Variants in LRRK2 observed in about 807,000 individuals in gnomAD.
LRRK2 encodes the protein leucine-rich repeat serine/threonine-protein kinase 2.
In LRRK2, 203 loss-of-function variants were observed where a neutral mutation model predicts 302.6. The observed-to-expected ratio is 0.67, with a 90% CI of 0.60 to 0.75. The LOEUF (loss-of-function observed/expected upper bound fraction) is 0.75. LRRK2 is among the 30% of genes least tolerant of loss of function. The pLI is 0.00. For synonymous variants in LRRK2, 1,066 were observed against 1,031.9 expected (o/e 1.03, Z -0.63); for missense variants, 2,830 against 2,951.0 (o/e 0.96, Z 0.95).
At chr12:40,227,280 C>T (rs781471228) in intron 2 of LRRK2, among the ~76,000 whole-genome samples, 12 of 152,074 alleles carry the variant, frequency 7.9e-5, no homozygotes, top group South Asian at 4.1e-4. Context: ...CTGGAATATC[C>T]GTCACCTCGA....
At chr12:40,232,518 G>A in intron 3 of LRRK2, 135 bp downstream of exon 3, 1 of 710,952 alleles carries the variant, frequency 1.4e-6, no homozygotes, top group Middle Eastern at 2.4e-4. Context: ...ATTTTTCCTT[G>A]AGTCAATGAT....
chr12:40,351,322 C>A (rs1946345326), intron 43 of LRRK2, among the ~76,000 whole-genome samples: 1 of 152,012 alleles, frequency 6.6e-6, no homozygotes, highest in African/African-American at 2.4e-5. Flanking sequence ...ACTACACATA[C>A]CAAAGAGTAT....
chr12:40,242,512 C>G (rs1027179477), intron 6 of LRRK2, among the ~76,000 whole-genome samples: 4 of 152,004 alleles, frequency 2.6e-5, no homozygotes, highest in African/African-American at 9.6e-5. Flanking sequence ...TGCCTCCTCT[C>G]TTTCGTTCTC....
At chr12:40,294,781 C>G (rs1944314000) in intron 21 of LRRK2, 64 bp from the exon 22 acceptor site, 1 of 939,640 alleles carries the variant, frequency 1.1e-6, no homozygotes, top group East Asian at 2.7e-5. Flanking sequence ...TGGTTCCTTC[C>G]TTATAAAAAT....
chr12:40,318,127 A>G (rs1945282551), intron 33 of LRRK2, among the ~76,000 whole-genome samples: 4 of 152,046 alleles, frequency 2.6e-5, no homozygotes, highest in Admixed American at 6.6e-5. Context: ...AATGAAGCAG[A>G]TTTTTTCTGT....
rs368102241 is a variant in LRRK2 at position 40,276,806 on chromosome 12, ATAATTT to A, written c.1942-1077_1942-1072del. 7.8e-3 allele frequency among the ~76,000 whole-genome samples: 1,180 copies of A among 152,240 alleles called. 19 individuals are homozygous for A. Among genetic ancestry groups the A allele is most frequent in the African/African-American group, 0.026 (1,084 of 41,542 alleles). On this transcript the variant is annotated intron_variant, in intron 16 of 50. Coordinates refer to ENST00000298910, the MANE Select transcript of LRRK2 (RefSeq NM_198578.4). ...CTCAGCATCATAAGAGTTCGAAGTA[ATAATTT>A]TAATATTTAGATGACGTAAGTTAAT...
intron 50 of LRRK2, chr12:40,367,437 T>C (rs763872863): frequency 1.4e-5 from 6 of 431,790 alleles, no homozygotes; most frequent in African/African-American, 4.1e-5. Flanking sequence ...GTTGATACTC[T>C]ATTTGAAATT....
At chr12:40,355,501 T>TTCCA (rs1165271972) in intron 45 of LRRK2, among the ~76,000 whole-genome samples, 1 of 84,878 alleles carries the variant, frequency 1.2e-5, no homozygotes, top group Admixed American at 1.2e-4. Flanking sequence ...CCTTCCTTCC[T>TTCCA]TCCATCCCTC....
intron 20 of LRRK2, among the ~76,000 whole-genome samples, chr12:40,291,892 A>G (rs914337087): frequency 3.9e-5 from 6 of 152,042 alleles, no homozygotes; most frequent in South Asian, 2.1e-4. Context: ...TTGTTGTGCA[A>G]ACATTAAGGA....
intron 5 of LRRK2, among the ~76,000 whole-genome samples, 163 bp from the exon 6 acceptor site, chr12:40,240,320 T>C (rs553334594): frequency 1.3e-5 from 2 of 152,338 alleles, no homozygotes; most frequent in East Asian, 3.9e-4. Flanking sequence ...GTTTTCTCAT[T>C]ATAACATTCT....
Position 40,348,436 on chromosome 12 carries a change from C to T in LRRK2, c.6308C>T (p.Pro2103Leu). ...PDPVKEYGCA[P>L]WPMVEKLIKQ... Reference sequence around the variant, plus strand: ...CCAGTTAAAGAATATGGTTGTGCCCCATGGCCTATGGTTGAGAAATTAATT... The same window carrying T: ...CCAGTTAAAGAATATGGTTGTGCCCTATGGCCTATGGTTGAGAAATTAATT... Residue 2103 changes from proline to leucine, a missense_variant, in exon 43 of 51, where the codon CCA becomes CTA. By Grantham distance (98) the Pro-to-Leu change is moderately conservative. Transcript: ENST00000298910. The T allele has an allele frequency of 1.2e-6, 2 of 1,612,088 alleles. No homozygotes were observed. The highest frequency in any genetic ancestry group is 2.2e-5 in the South Asian group (2 of 91,010).
chr12:40,257,327 T>C lies in LRRK2; in HGVS notation c.1368T>C (p.Pro456=). The C allele has an allele frequency of 2.5e-6, 4 of 1,612,694 alleles. No individual in the cohort carries two copies. Among genetic ancestry groups the C allele is most frequent in the Non-Finnish European group, 3.4e-6 (4 of 1,178,976 alleles). ...LELMQKHIHS[P]EVAESGCKML... ...TAATGCAGAAGCATATACATTCTCC[T>C]GAAGTGGCTGAAAGTGGCTGTAAAA... The change falls in exon 12 of 51, where the codon CCT becomes CCC. Residue 456 remains proline, a synonymous_variant. Transcript: ENST00000298910.
intron 11 of LRRK2, among the ~76,000 whole-genome samples, chr12:40,256,255 T>C (rs776384296): frequency 3.3e-5 from 5 of 152,164 alleles, no homozygotes; most frequent in Admixed American, 6.5e-5. Context: ...AAGACCAGGC[T>C]GGGCAACATA....
At chr12:40,322,570 C>T (rs1945436548) in intron 37 of LRRK2, 60 bp downstream of exon 37, 1 of 1,439,558 alleles carries the variant, frequency 6.9e-7, no homozygotes, top group African/African-American at 1.4e-5. Context: ...TATGAAGTGA[C>T]TTTTAATAAA....
intron 49 of LRRK2, chr12:40,366,607 C>T (rs1946887372): frequency 5.6e-6 from 1 of 177,316 alleles, no homozygotes; most frequent in Admixed American, 5.8e-5. Flanking sequence ...TCAGTATATC[C>T]ATCCATCTAA....
intron 49 of LRRK2, 58 bp from the exon 50 acceptor site, chr12:40,366,948 T>C (rs1266764378): frequency 7.5e-7 from 1 of 1,331,676 alleles, no homozygotes; most frequent in African/African-American, 1.5e-5. Flanking sequence ...TACTTTTTTT[T>C]CAGGCCAGTT....
At chr12:40,275,128 A>T (rs1410532826) in intron 16 of LRRK2, 135 bp downstream of exon 16, 7 of 992,560 alleles carry the variant, frequency 7.1e-6, no homozygotes, top group Non-Finnish European at 1.1e-5. Context: ...TAGTATTTTA[A>T]TTATACAAGC....
chr12:40,241,270 G>T (rs550878724), intron 6 of LRRK2, among the ~76,000 whole-genome samples: 2 of 152,278 alleles, frequency 1.3e-5, no homozygotes, highest in African/African-American at 4.8e-5. Context: ...CAGAGACATG[G>T]AGTGGAGAGC....
intron 47 of LRRK2, among the ~76,000 whole-genome samples, chr12:40,361,068 A>T (rs952231466): frequency 2.0e-5 from 3 of 152,116 alleles, no homozygotes; most frequent in African/African-American, 7.2e-5. Context: ...TGAAAATAAT[A>T]TGATACCTGG....
Sources: gnomAD v4.1 joint callset for allele counts (sites outside exome capture counted in the v4.1 genomes callset) on GRCh38, gnomAD v4.1.1 for gene constraint, MANE v1.5 for transcripts, NCBI Gene and HGNC (gene_info 2026-07-23, HGNC 2026-07-21) for gene names.